The following DUSP14 variants were observed in gnomAD, a reference collection of about 807,000 sequenced individuals.
DUSP14 encodes dual specificity protein phosphatase 14.
DUSP14 carries 5 observed loss-of-function variants against 13.2 expected under a neutral mutation model. The ratio of observed to expected loss-of-function variants is 0.38; its 90% CI spans 0.20 to 0.80. The LOEUF is 0.80. Ranked by LOEUF, DUSP14 falls within the 30% of genes least tolerant of loss-of-function variation. DUSP14 has a pLI of 0.44. For synonymous variants in DUSP14, 91 were observed against 103.4 expected (o/e 0.88, Z 0.73); for missense variants, 185 against 264.0 (o/e 0.70, Z 2.07).
intron 2 of DUSP14, among the ~76,000 whole-genome samples, chr17:37,511,508 T>TC (rs2054184923): frequency 6.6e-6 from 1 of 151,016 alleles, no homozygotes; most frequent in Non-Finnish European, 1.5e-5. Context: ...CTCGAACTCC[T>TC]GACCTCAGGT....
intron 1 of DUSP14, among the ~76,000 whole-genome samples, chr17:37,491,152 T>C (rs1447418233): frequency 6.6e-6 from 1 of 152,208 alleles, no homozygotes. Context: ...CTGTATTCTT[T>C]GCAGAGTTGT....
chr17:37,489,323 G>C (rs1341148404), upstream of DUSP14, among the ~76,000 whole-genome samples: 1 of 152,070 alleles, frequency 6.6e-6, no homozygotes, highest in Non-Finnish European at 1.5e-5. Flanking sequence ...GTTCACCTCC[G>C]GGTCTCGGGC....
chr17:37,509,243 CTATATATATATATATATA>C (rs71135736), intron 1 of DUSP14, among the ~76,000 whole-genome samples: 632 of 44,764 alleles, frequency 0.014, 19 homozygotes, highest in South Asian at 0.023. Context: ...TATATACACA[CTATATATATATATATATA>C]TATATATATA....
chr17:37,512,683 G>C lies in DUSP14; in HGVS notation c.411G>C (p.Ala137=), dbSNP rs1051840. Residue 137 remains alanine (A), a synonymous_variant, in exon 3 of 3, where the codon GCG becomes GCC. Transcript: ENST00000617516. The surrounding 1 kb of genome is among the most constrained non-coding windows in gnomAD (Gnocchi z 4.8). ...TCCACAACGTGTGCCTGCTGGAGGCGTACAACTGGGTGAAAGCCCGGCGAC... is the reference window on the plus strand; with the variant it reads ...TCCACAACGTGTGCCTGCTGGAGGCCTACAACTGGGTGAAAGCCCGGCGAC... ...MKFHNVCLLE[A]YNWVKARRPV... is the part of the protein sequence containing the mutation. 1.9e-6 allele frequency: 3 copies of C among 1,613,932 alleles called. No individual in the cohort carries two copies. The highest frequency in any genetic ancestry group is 3.3e-5 in the Admixed American group (2 of 60,006).
At chr17:37,506,099 C>T (rs1275245324) in intron 1 of DUSP14, among the ~76,000 whole-genome samples, 2 of 151,930 alleles carry the variant, frequency 1.3e-5, no homozygotes, top group Non-Finnish European at 2.9e-5. Flanking sequence ...TCTGTTTCTA[C>T]TAAAAAATAC....
upstream of DUSP14, among the ~76,000 whole-genome samples, chr17:37,489,212 C>A (rs562869252): frequency 1.7e-4 from 26 of 152,322 alleles, no homozygotes; most frequent in African/African-American, 6.0e-4. Context: ...CCGGAGAACC[C>A]CTGCCCTGCC....
chr17:37,493,288 A>G (rs1323332372), intron 1 of DUSP14, among the ~76,000 whole-genome samples: 1 of 152,068 alleles, frequency 6.6e-6, no homozygotes, highest in Non-Finnish European at 1.5e-5. Context: ...TGTCTTATGA[A>G]CATACCACAA....
upstream of DUSP14, among the ~76,000 whole-genome samples, chr17:37,488,837 A>C (rs1265336865): frequency 6.6e-6 from 1 of 152,156 alleles, no homozygotes; most frequent in Non-Finnish European, 1.5e-5. Context: ...GGGAGATGTA[A>C]ACCCCAAACG....
chr17:37,508,080 T>C (rs192790496), intron 1 of DUSP14, among the ~76,000 whole-genome samples: 35 of 152,362 alleles, frequency 2.3e-4, no homozygotes, highest in Non-Finnish European at 4.0e-4. Context: ...TGTACTCCCA[T>C]AGCATTAACC....
intron 1 of DUSP14, among the ~76,000 whole-genome samples, chr17:37,492,437 G>T (rs1368132681): frequency 6.6e-6 from 1 of 152,214 alleles, no homozygotes; most frequent in African/African-American, 2.4e-5. Flanking sequence ...GTTAATGTGG[G>T]CACCCTTCAA....
intron 1 of DUSP14, among the ~76,000 whole-genome samples, 166 bp downstream of exon 1, chr17:37,490,124 G>T (rs1392858317): frequency 1.3e-5 from 2 of 151,322 alleles, no homozygotes; most frequent in Non-Finnish European, 3.0e-5. Flanking sequence ...CTCCCTGGCG[G>T]TCCTTGACTC....
chr17:37,490,699 G>T (rs903576282), intron 1 of DUSP14, among the ~76,000 whole-genome samples: 1 of 141,254 alleles, frequency 7.1e-6, no homozygotes, highest in East Asian at 2.1e-4. Context: ...ACCATGCAGA[G>T]ATTTTTTTTT....
At chr17:37,494,745 G>C (rs992661333) in intron 1 of DUSP14, among the ~76,000 whole-genome samples, 2 of 152,202 alleles carry the variant, frequency 1.3e-5, no homozygotes, top group Non-Finnish European at 2.9e-5. Flanking sequence ...TCTGCCCTTA[G>C]AGCAGAATGT....
In DUSP14 at chr17:37,511,585, C is replaced by CTTTTTTTTTTTTT. The variant is rs533256343; in HGVS notation, c.-92-590_-92-578dup. On this transcript the variant is annotated intron_variant, in intron 2 of 2. Coordinates refer to ENST00000617516, the MANE Select transcript of DUSP14 (RefSeq NM_007026.4). ...CATGAGCTACCTCACCTGGCCTTTC[C>CTTTTTTTTTTTTT]TTTTTTTTTTTTTTTTTTAGAAGCT... is the stretch of plus-strand genomic sequence containing the variant. Among the ~76,000 whole-genome samples the CTTTTTTTTTTTTT allele has an allele frequency of 3.7e-4, 32 of 87,302 alleles. 1 individual carries two copies. The highest frequency in any genetic ancestry group is 1.4e-3 in the African/African-American group (27 of 19,078). 57.3% of individuals were successfully genotyped at this position (87,302 alleles called of 152,430 possible). A position where few individuals can be genotyped will look rare whatever the true frequency, so the allele number is the denominator to read the frequency against.
intron 1 of DUSP14, among the ~76,000 whole-genome samples, chr17:37,495,518 A>G (rs1597966832): frequency 6.6e-6 from 1 of 152,164 alleles, no homozygotes; most frequent in Admixed American, 6.5e-5. Context: ...GTGTGGGTAC[A>G]TATGAGAAAA....
At chr17:37,498,471 T>C (rs2054081785) in intron 1 of DUSP14, among the ~76,000 whole-genome samples, 1 of 151,644 alleles carries the variant, frequency 6.6e-6, no homozygotes, top group Non-Finnish European at 1.5e-5. Flanking sequence ...GGACTACAGG[T>C]GCCCGCCACC....
At chr17:37,489,771 C>T (rs1049565202), upstream of DUSP14, 70 of 149,004 alleles carry the variant, frequency 4.7e-4, no homozygotes, top group African/African-American at 1.6e-3. Context: ...CGCGCGTCCC[C>T]CCGCCCCGCG....
intron 1 of DUSP14, among the ~76,000 whole-genome samples, chr17:37,493,672 CTTTTTT>C (rs35368460): frequency 2.2e-5 from 3 of 137,324 alleles, no homozygotes; most frequent in African/African-American, 8.1e-5. Flanking sequence ...TTTCATCAAT[CTTTTTT>C]TTTTTTTTTT....
At chr17:37,508,734 AATATATAT>A (rs35158443) in intron 1 of DUSP14, among the ~76,000 whole-genome samples, 8 of 144,154 alleles carry the variant, frequency 5.5e-5, no homozygotes, top group Non-Finnish European at 3.0e-5. Context: ...ACTCCATCTC[AATATATAT>A]ATATATATAT....
Sources: allele counts gnomAD v4.1 joint callset (sites outside exome capture counted in the v4.1 genomes callset), GRCh38; gene constraint gnomAD v4.1.1; non-coding constraint Gnocchi (gnomAD v3.1); transcripts MANE v1.5; gene names NCBI Gene and HGNC (gene_info 2026-07-23, HGNC 2026-07-21).